RNF144A: variants seen among roughly 807,000 people sequenced by gnomAD.
RNF144A encodes the protein ring finger protein 144A, also known as E3 ubiquitin-protein ligase RNF144A.
In RNF144A, 11 loss-of-function variants were observed where a neutral mutation model predicts 38.7. That is an observed-to-expected ratio of 0.28 (90% CI 0.18 to 0.47). The LOEUF (loss-of-function observed/expected upper bound fraction) is 0.47. RNF144A is among the 20% of genes least tolerant of loss of function. The pLI is 0.99. For synonymous variants in RNF144A, 149 were observed against 143.9 expected (o/e 1.04, Z -0.25); for missense variants, 316 against 377.2 (o/e 0.84, Z 1.34).
At chr2:7,049,835 T>C (rs1047343911) in intron 6 of RNF144A, among the ~76,000 whole-genome samples, 1 of 151,918 alleles carries the variant, frequency 6.6e-6, no homozygotes, top group Non-Finnish European at 1.5e-5. Flanking sequence ...TACAAGCAAA[T>C]GCACCTGCAA....
At chr2:7,058,622 C>A (rs1057128055) in intron 6 of RNF144A, among the ~76,000 whole-genome samples, 10 of 152,210 alleles carry the variant, frequency 6.6e-5, no homozygotes, top group African/African-American at 2.4e-4. Context: ...CTAATAATAT[C>A]CCATCTAAAA....
At chr2:6,995,730 G>A (rs1269460424) in intron 2 of RNF144A, among the ~76,000 whole-genome samples, 2 of 152,184 alleles carry the variant, frequency 1.3e-5, no homozygotes, top group Non-Finnish European at 2.9e-5. Flanking sequence ...TGATTAGATG[G>A]CGCCTACCCT....
At chr2:7,016,391 G>A (rs1004265776) in intron 5 of RNF144A, among the ~76,000 whole-genome samples, 6 of 152,156 alleles carry the variant, frequency 3.9e-5, no homozygotes, top group Non-Finnish European at 7.4e-5. Context: ...TGTTGTTTGC[G>A]TTACAAGAAT....
At chr2:7,074,879 G>A in the RNF144A span, among the ~76,000 whole-genome samples, 4 of 152,190 alleles carry the variant, frequency 2.6e-5, no homozygotes, top group African/African-American at 9.7e-5. Flanking sequence ...GAATTTATTT[G>A]AACGAGATGG....
intron 2 of RNF144A, among the ~76,000 whole-genome samples, chr2:6,976,119 C>G (rs1012880676): frequency 1.3e-5 from 2 of 152,166 alleles, no homozygotes; most frequent in African/African-American, 4.8e-5. Context: ...GGGCACATGA[C>G]TGGAAGTGGG....
rs1330904311 is a variant in RNF144A at position 7,040,883 on chromosome 2, A to G, written c.*1123A>G. The G allele has an allele frequency of 1.0e-6, 1 of 985,456 alleles. No individual in the cohort carries two copies. The highest frequency in any genetic ancestry group is 1.2e-6 in the Non-Finnish European group (1 of 829,940). The allele number at this position is 985,456 out of a possible 1,614,324, so 61.0% of individuals were successfully genotyped here. A position where few individuals can be genotyped will look rare whatever the true frequency, so the allele number is the denominator to read the frequency against. On this transcript the variant is annotated 3_prime_UTR_variant, in exon 9 of 9. Coordinates refer to ENST00000320892, the MANE Select transcript of RNF144A (RefSeq NM_014746.6). ...TAACCGTTTTGCTCTTGTTGGGGAA[A>G]AGAACCTCCCATTTCACTTCGTTTT...
At chr2:7,029,946 C>T (rs958917421) in intron 7 of RNF144A, among the ~76,000 whole-genome samples, 180 bp from the exon 8 acceptor site, 3 of 152,230 alleles carry the variant, frequency 2.0e-5, no homozygotes, top group South Asian at 2.1e-4. Flanking sequence ...TGGGGAGGAG[C>T]GGCCTGGGCC....
At chr2:7,051,306 A>G (rs1673514850) in intron 6 of RNF144A, among the ~76,000 whole-genome samples, 1 of 152,180 alleles carries the variant, frequency 6.6e-6, no homozygotes, top group Admixed American at 6.5e-5. Flanking sequence ...GCTGAGCTCC[A>G]GTAGGGTGAG....
At chr2:7,003,908 T>G (rs557054016) in intron 3 of RNF144A, among the ~76,000 whole-genome samples, 2 of 152,368 alleles carry the variant, frequency 1.3e-5, no homozygotes, top group East Asian at 3.9e-4. Flanking sequence ...TTGGCTATTG[T>G]GTGGGGACCA....
chr2:7,020,490 T>C lies in RNF144A; in HGVS notation c.319T>C (p.Cys107Arg), dbSNP rs2103428953. ...TGTACCAGAGGTGCTGTTTGATCCC[T>C]GTCGGACTTGGTGCCCGGCGTCCAC... ...QFEREVLFDP[C>R]RTWCPASTCQ... The change falls in exon 6 of 9, where the codon TGT (cysteine) becomes CGT (arginine). Residue 107 changes from cysteine (C) to arginine (R), a missense_variant. Transcript: ENST00000320892. 1 of 1,613,858 alleles carries C rather than the reference T, an allele frequency of 6.2e-7. No individual in the cohort carries two copies. The highest frequency in any genetic ancestry group is 8.5e-7 in the Non-Finnish European group (1 of 1,179,988).
At chr2:7,029,178 T>C (rs973674448) in intron 7 of RNF144A, among the ~76,000 whole-genome samples, 5 of 152,272 alleles carry the variant, frequency 3.3e-5, no homozygotes, top group African/African-American at 1.2e-4. Context: ...AAAGCAGCTG[T>C]CTGTTTACAG....
chr2:6,991,121 C>G (rs138278514), intron 2 of RNF144A, among the ~76,000 whole-genome samples: 2 of 152,174 alleles, frequency 1.3e-5, no homozygotes, highest in African/African-American at 2.4e-5. Context: ...TTGGCAGTTA[C>G]GGCTGAGCTG....
At chr2:7,054,126 G>A (rs1370475451) in intron 6 of RNF144A, among the ~76,000 whole-genome samples, 1 of 152,152 alleles carries the variant, frequency 6.6e-6, no homozygotes, top group Non-Finnish European at 1.5e-5. Context: ...CAGCTGCGCA[G>A]TTGCTTGTGG....
At chr2:7,035,389 A>G (rs1449526344) in intron 8 of RNF144A, among the ~76,000 whole-genome samples, 1 of 152,154 alleles carries the variant, frequency 6.6e-6, no homozygotes, top group African/African-American at 2.4e-5. Context: ...CCACATCGAC[A>G]TAACTTCCCC....
At position 6,958,070 on chromosome 2, in the gene RNF144A, C is replaced by T. The variant is rs533556400; in HGVS notation, c.-12+16923C>T. On this transcript the variant is annotated intron_variant, in intron 2 of 8. Transcript: ENST00000320892. This position sits in a 1 kb window ranked among gnomAD's most constrained non-coding sequence, Gnocchi z 4.5. ...AAGCAGATGGATCGCCGGAGGGCTGCTGTCACATTGCATTGGAAGGTGACA... is the reference window on the plus strand; with the variant it reads ...AAGCAGATGGATCGCCGGAGGGCTGTTGTCACATTGCATTGGAAGGTGACA... Among the ~76,000 whole-genome samples, 3 of 152,362 alleles carry T rather than the reference C, an allele frequency of 2.0e-5. No individual in the cohort carries two copies. In the East Asian group the frequency reaches 5.8e-4, roughly 29 times the overall value.
intron 2 of RNF144A, among the ~76,000 whole-genome samples, chr2:6,947,534 A>C (rs556630740): frequency 1.1e-4 from 17 of 152,284 alleles, no homozygotes; most frequent in Admixed American, 2.6e-4. Flanking sequence ...TACATATATA[A>C]AATTTAGTGA....
chr2:7,050,422 C>CT (rs932691439), intron 6 of RNF144A, among the ~76,000 whole-genome samples: 4 of 152,122 alleles, frequency 2.6e-5, no homozygotes, highest in African/African-American at 9.7e-5. Context: ...TCAGTTAAAC[C>CT]TTTTTTCCTT....
chr2:7,013,457 T>C (rs1670943828), intron 3 of RNF144A, among the ~76,000 whole-genome samples: 1 of 152,250 alleles, frequency 6.6e-6, no homozygotes. Flanking sequence ...TTAATTGCTA[T>C]TATATTTTAA....
At chr2:6,921,959 G>A (rs564224809) in intron 1 of RNF144A, among the ~76,000 whole-genome samples, 82 of 152,322 alleles carry the variant, frequency 5.4e-4, no homozygotes, top group African/African-American at 1.9e-3. Context: ...TAGGGTGGCT[G>A]GTGGTCTCTG....
Sources: gnomAD v4.1 joint callset for allele counts (sites outside exome capture counted in the v4.1 genomes callset) on GRCh38, gnomAD v4.1.1 for gene constraint, Gnocchi (gnomAD v3.1) non-coding constraint, MANE v1.5 for transcripts, NCBI Gene and HGNC (gene_info 2026-07-23, HGNC 2026-07-21) for gene names.